The following CASP8 variants were observed in gnomAD, a reference collection of about 807,000 sequenced individuals.
The protein encoded by CASP8 is caspase 8, also known as caspase-8.
In CASP8, 24 loss-of-function variants were observed where a neutral mutation model predicts 46.3. The observed-to-expected ratio is 0.52, with a 90% confidence interval of 0.38 to 0.73. The LOEUF (loss-of-function observed/expected upper bound fraction) is 0.73. Among genes scored for constraint, CASP8 ranks in the 30% least tolerant of loss-of-function variants. The pLI is 0.00. For synonymous variants in CASP8, 188 were observed against 200.4 expected (o/e 0.94, Z 0.52); for missense variants, 460 against 559.0 (o/e 0.82, Z 1.79).
At chr2:201,269,026 C>A (rs1488206833) in intron 2 of CASP8, among the ~76,000 whole-genome samples, 1 of 151,692 alleles carries the variant, frequency 6.6e-6, no homozygotes, top group Non-Finnish European at 1.5e-5. Flanking sequence ...GCAACCTCCA[C>A]CTCCTGGGTT....
At chr2:201,239,880 G>A (rs1178114428) in intron 2 of CASP8, among the ~76,000 whole-genome samples, 1 of 152,206 alleles carries the variant, frequency 6.6e-6, no homozygotes, top group Non-Finnish European at 1.5e-5. Context: ...CTGTTGATAA[G>A]TGAAACCAAG....
chr2:201,241,264 C>T (rs1397655950), intron 2 of CASP8: 1 of 151,874 alleles, frequency 6.6e-6, no homozygotes, highest in South Asian at 2.1e-4. Context: ...AAAAGAATAA[C>T]AAAAGAATTG....
upstream of CASP8, among the ~76,000 whole-genome samples, chr2:201,258,990 C>T (rs1387954391): frequency 2.4e-5 from 2 of 84,960 alleles, no homozygotes; most frequent in African/African-American, 8.0e-5. Flanking sequence ...TATGCGATCT[C>T]AGGCAAGTAA....
chr2:201,278,515 T>C (rs1429688580), intron 7 of CASP8, among the ~76,000 whole-genome samples: 1 of 152,168 alleles, frequency 6.6e-6, no homozygotes, highest in Non-Finnish European at 1.5e-5. Flanking sequence ...TTTTTTTCTA[T>C]TCCTAATGCT....
At chr2:201,278,853 A>G (rs940083227) in intron 7 of CASP8, among the ~76,000 whole-genome samples, 1 of 152,166 alleles carries the variant, frequency 6.6e-6, no homozygotes, top group Non-Finnish European at 1.5e-5. Flanking sequence ...TTGACTGATG[A>G]CTTATGTTTA....
chr2:201,254,484 C>G (rs745350537), intron 2 of CASP8, among the ~76,000 whole-genome samples: 1 of 152,190 alleles, frequency 6.6e-6, no homozygotes, highest in Non-Finnish European at 1.5e-5. Context: ...AGCTGCCAGT[C>G]AAGGAAAGGG....
intron 2 of CASP8, among the ~76,000 whole-genome samples, chr2:201,245,799 G>A (rs773042954): frequency 9.2e-5 from 14 of 151,956 alleles, no homozygotes; most frequent in Non-Finnish European, 1.6e-4. Flanking sequence ...CCGCTTTGCT[G>A]CCCTTTCCTG....
intron 7 of CASP8, among the ~76,000 whole-genome samples, 193 bp from the exon 8 acceptor site, chr2:201,284,623 A>T (rs1949431546): frequency 1.8e-5 from 1 of 56,532 alleles, no homozygotes; most frequent in East Asian, 5.6e-4. Context: ...CCGAGATGGC[A>T]GCAGTACCGT....
At chr2:201,254,222 G>C (rs557358327) in intron 2 of CASP8, among the ~76,000 whole-genome samples, 1 of 152,186 alleles carries the variant, frequency 6.6e-6, no homozygotes, top group Non-Finnish European at 1.5e-5. Flanking sequence ...AGCAGAAGGG[G>C]TAGGTATTGG....
intron 2 of CASP8, among the ~76,000 whole-genome samples, chr2:201,239,169 C>T (rs1037118046): frequency 1.3e-5 from 2 of 151,934 alleles, no homozygotes; most frequent in Non-Finnish European, 1.5e-5. Context: ...GTCTACCTCT[C>T]TCTACACAGA....
chr2:201,275,016 C>CTT lies in CASP8; in HGVS notation c.660+76_660+77dup, dbSNP rs35508730. The stretch of plus-strand genomic sequence containing the variant: ...AGATTCTAGTTATTTAATTTGTTAG[C>CTT]TTTTTTTTTTTTTTGCTGCCAGATA... On this transcript the variant is annotated intron_variant, in intron 6 of 8. Coordinates refer to ENST00000673742, the MANE Select transcript of CASP8 (RefSeq NM_001372051.1). The CTT allele has an allele frequency of 3.0e-3, 2,904 of 965,924 alleles. 3 individuals carry two copies. Among genetic ancestry groups the CTT allele is most frequent in the African/African-American group, 0.013 (755 of 56,744 alleles). The allele number at this position is 965,924 out of a possible 1,614,324, so 59.8% of individuals were successfully genotyped here. A position where few individuals can be genotyped will look rare whatever the true frequency, so the allele number is the denominator to read the frequency against.
At chr2:201,268,614 A>T (rs1005713111) in intron 2 of CASP8, among the ~76,000 whole-genome samples, 1 of 152,200 alleles carries the variant, frequency 6.6e-6, no homozygotes, top group Non-Finnish European at 1.5e-5. Context: ...TAACAAAGTA[A>T]CACAAACTAG....
In CASP8 at chr2:201,272,604, TC is replaced by T. The variant is rs1296332087; in HGVS notation, c.412-32del. The T allele has an allele frequency of 6.2e-7, 1 of 1,612,650 alleles. No homozygotes were observed. Among genetic ancestry groups the T allele is most frequent in the Non-Finnish European group, 8.5e-7 (1 of 1,179,042 alleles). On this transcript the variant is annotated intron_variant, in intron 3 of 8. Coordinates refer to ENST00000673742, the MANE Select transcript of CASP8 (RefSeq NM_001372051.1). The surrounding 1 kb of genome is among the most constrained non-coding windows in gnomAD (Gnocchi z 4.4). Reference sequence around the variant, plus strand: ...TAATCTAAAAACCAGTAGGGCTCAATCCAGATTCCCAACTTTATTTCTCCTC... The same window carrying T: ...TAATCTAAAAACCAGTAGGGCTCAATCAGATTCCCAACTTTATTTCTCCTC...
intron 7 of CASP8, chr2:201,277,872 T>C: frequency 3.8e-6 from 1 of 265,420 alleles, no homozygotes; most frequent in South Asian, 3.1e-5. Flanking sequence ...GGCTAATTTT[T>C]GTATTTTTAG....
At chr2:201,279,733 G>A (rs776963526) in intron 7 of CASP8, among the ~76,000 whole-genome samples, 6 of 152,130 alleles carry the variant, frequency 3.9e-5, no homozygotes, top group Non-Finnish European at 7.4e-5. Flanking sequence ...CAGGCGAATC[G>A]CCTGAGGTCA....
At position 201,272,560 on chromosome 2, in the gene CASP8, G is replaced by T; in HGVS notation, c.412-78G>T. 1 of 1,541,880 alleles carries T rather than the reference G, an allele frequency of 6.5e-7. No homozygotes were observed. ...GGCAGGTCCTTGGTTGGAGAAATTG[G>T]AAATTAAAAAAAAAAATCTAATCTA... is the stretch of plus-strand genomic sequence containing the variant. On this transcript the variant is annotated intron_variant, in intron 3 of 8. Coordinates refer to ENST00000673742, the MANE Select transcript of CASP8 (RefSeq NM_001372051.1). This position sits in a 1 kb window ranked among gnomAD's most constrained non-coding sequence, Gnocchi z 4.4.
chr2:201,272,646 G>C lies in CASP8; in HGVS notation c.420G>C (p.Leu140=). The change falls in exon 4 of 9, where the codon CTG becomes CTC. Residue 140 remains leucine, a synonymous_variant. Transcript: ENST00000673742. The surrounding 1 kb of genome is among the most constrained non-coding windows in gnomAD (Gnocchi z 4.4). ...KCKLDDDMNL[L]DIFIEMEKRV... ...ATTTCTCCTCCTCTTAGAACCTGCT[G>C]GATATTTTCATAGAGATGGAGAAGA... The C allele has an allele frequency of 1.2e-6, 2 of 1,614,100 alleles. No homozygotes were observed. The highest frequency in any genetic ancestry group is 1.7e-6 in the Non-Finnish European group (2 of 1,180,000).
chr2:201,233,877 T>C (rs967166839), intron 1 of CASP8: 1 of 152,392 alleles, frequency 6.6e-6, no homozygotes, highest in Admixed American at 6.5e-5. Flanking sequence ...CTTCTAGAAG[T>C]CTGACCCTGC....
intron 1 of CASP8, among the ~76,000 whole-genome samples, chr2:201,265,072 AT>A (rs1411022910): frequency 6.6e-6 from 1 of 152,190 alleles, no homozygotes; most frequent in African/African-American, 2.4e-5. Context: ...GGGGGAAAAG[AT>A]TTTTAAAAAT....
Sources: allele counts gnomAD v4.1 joint callset (sites outside exome capture counted in the v4.1 genomes callset), GRCh38; gene constraint gnomAD v4.1.1; non-coding constraint Gnocchi (gnomAD v3.1); transcripts MANE v1.5; gene names NCBI Gene and HGNC (gene_info 2026-07-23, HGNC 2026-07-21).